The following GTPBP1 variants were observed in gnomAD, a reference collection of about 807,000 sequenced individuals.
GTPBP1 encodes the protein GTP-binding protein 1.
GTPBP1 carries 23 observed loss-of-function variants against 62.0 expected under a neutral mutation model. That is an observed-to-expected ratio of 0.37 (90% CI 0.27 to 0.53). The LOEUF (loss-of-function observed/expected upper bound fraction) is 0.53, where lower values mean the gene tolerates loss of function less well. Among genes scored for constraint, GTPBP1 ranks in the 20% least tolerant of loss-of-function variants. GTPBP1 has a pLI of 0.89. For synonymous variants in GTPBP1, 344 were observed against 364.4 expected, an observed-to-expected ratio of 0.94 and a Z score of 0.64; for missense variants, 640 against 917.3, an observed-to-expected ratio of 0.70 and a Z score of 3.90.
Position 38,705,997 on chromosome 22 carries a change from C to T in GTPBP1, c.42C>T (p.Val14=). ...GTCGCTCCGCGATGGACTCGCCGGTCCCGGCCTCTATGTTCGCCCCCGAGC... is the reference window on the plus strand; with the variant it reads ...GTCGCTCCGCGATGGACTCGCCGGTTCCGGCCTCTATGTTCGCCCCCGAGC... ...ERSRSAMDSP[V]PASMFAPEPS... is the part of the protein sequence containing the mutation. The change falls in exon 1 of 12, where the codon GTC becomes GTT. Residue 14 remains valine, a synonymous_variant. Coordinates refer to ENST00000216044, the MANE Select transcript of GTPBP1 (RefSeq NM_004286.5). The T allele has an allele frequency of 1.4e-6, 2 of 1,460,520 alleles. No homozygotes were observed. The highest frequency in any genetic ancestry group is 9.0e-7 in the Non-Finnish European group (1 of 1,106,294). The allele number at this position is 1,460,520 out of a possible 1,614,324, so 90.5% of individuals were successfully genotyped here. A position where few individuals can be genotyped will look rare whatever the true frequency, so the allele number is the denominator to read the frequency against.
Position 38,726,388 on chromosome 22 carries a change from T to C in GTPBP1, c.1349T>C (p.Met450Thr). The C allele has an allele frequency of 6.2e-7, 1 of 1,614,110 alleles. No individual in the cohort carries two copies. The part of the protein sequence containing the change: ...IAVKSIHRKR[M>T]PVKEVRGGQT... Reference sequence around the variant, plus strand: ...GTCAAATCCATCCATCGCAAGCGCATGCCTGTCAAGGAGGTGCGGGGTGGC... The same window carrying C: ...GTCAAATCCATCCATCGCAAGCGCACGCCTGTCAAGGAGGTGCGGGGTGGC... The change falls in exon 8 of 12, where the codon ATG becomes ACG. Residue 450 changes from methionine to threonine, a missense_variant. Physicochemically the swap from Met to Thr is moderately conservative, Grantham distance 81. Around this residue, in one of 4 missense-constraint regions of GTPBP1, gnomAD observed 220 missense variants for 358.1 expected, o/e 0.61. Coordinates refer to ENST00000216044, the MANE Select transcript of GTPBP1 (RefSeq NM_004286.5). This position sits in a 1 kb window ranked among gnomAD's most constrained non-coding sequence, Gnocchi z 4.1.
At chr22:38,720,173 C>T (rs555758146) in intron 4 of GTPBP1, among the ~76,000 whole-genome samples, 142 of 151,644 alleles carry the variant, frequency 9.4e-4, no homozygotes, top group African/African-American at 3.4e-3. Context: ...CATGATCTGC[C>T]CGCCTCGGCC....
At chr22:38,728,435 C>T (rs2092738378) in intron 10 of GTPBP1, 2 of 449,762 alleles carry the variant, frequency 4.4e-6, no homozygotes, top group East Asian at 3.9e-5. Flanking sequence ...CAGCCAGGCT[C>T]AGCCTCCAGG....
downstream of GTPBP1, chr22:38,739,792 G>T: frequency 6.2e-7 from 1 of 1,613,576 alleles, no homozygotes; most frequent in Non-Finnish European, 8.5e-7. The surrounding 1 kb of genome is among the most constrained non-coding windows in gnomAD (Gnocchi z 6.7). Flanking sequence ...TTCCCTGGCC[G>T]ACTTGCCCTG....
At chr22:38,735,249 G>A (rs1005326518), downstream of GTPBP1, 57 of 455,630 alleles carry the variant, frequency 1.3e-4, 1 homozygote, top group Admixed American at 5.7e-4. Flanking sequence ...GCGACTACCT[G>A]AACAAGAGCT....
Position 38,731,459 on chromosome 22 carries a change from G to GCCCTGA in GTPBP1, c.*766_*771dup, listed in dbSNP as rs927244319. ...GATTATAGGACTCTCCCCATCTCGG[G>GCCCTGA]CCCTGACCCTGACCCTTGCCACCAA... On this transcript the variant is annotated 3_prime_UTR_variant, in exon 12 of 12. Transcript: ENST00000216044. The GCCCTGA allele has an allele frequency of 7.9e-5, 12 of 152,796 alleles. No individual in the cohort carries two copies. The highest frequency in any genetic ancestry group is 1.2e-4 in the Non-Finnish European group (8 of 68,108). The allele number at this position is 152,796 out of a possible 1,614,324, so 9.5% of individuals were successfully genotyped here.
intron 1 of GTPBP1, chr22:38,706,675 AG>A (rs1305242364): frequency 6.6e-6 from 1 of 152,444 alleles, no homozygotes; most frequent in Non-Finnish European, 1.5e-5. Context: ...GAAAGGAAAC[AG>A]AAAGTAGTCG....
intron 5 of GTPBP1, chr22:38,723,586 A>G (rs1051142037): frequency 1.2e-5 from 7 of 573,200 alleles, no homozygotes; most frequent in African/African-American, 7.5e-5. Flanking sequence ...ATCTTCTGCT[A>G]CTTCCTCCCC....
chr22:38,739,572 C>CCCA, downstream of GTPBP1: 1 of 1,281,294 alleles, frequency 7.8e-7, no homozygotes, highest in Non-Finnish European at 1.1e-6. This position sits in a 1 kb window ranked among gnomAD's most constrained non-coding sequence, Gnocchi z 6.7. Context: ...CACACTGCCA[C>CCCA]CCACCCATGC....
downstream of GTPBP1, among the ~76,000 whole-genome samples, chr22:38,742,031 C>T (rs911020181): frequency 1.5e-4 from 23 of 151,818 alleles, no homozygotes; most frequent in African/African-American, 5.1e-4. Context: ...TCCAGCTACT[C>T]GGGAGGCTGA....
intron 1 of GTPBP1, among the ~76,000 whole-genome samples, chr22:38,708,429 G>T (rs2092618844): frequency 6.6e-6 from 1 of 152,188 alleles, no homozygotes; most frequent in Non-Finnish European, 1.5e-5. Context: ...GCCTGTGGGT[G>T]GAGGGCATGG....
chr22:38,717,250 C>T (rs867905649), intron 4 of GTPBP1, among the ~76,000 whole-genome samples: 5 of 152,294 alleles, frequency 3.3e-5, no homozygotes, highest in South Asian at 4.1e-4. Context: ...CCCTTGAAGA[C>T]CTGTCTTATT....
downstream of GTPBP1, chr22:38,734,850 C>T (rs756082854): frequency 5.5e-5 from 10 of 182,148 alleles, no homozygotes; most frequent in African/African-American, 9.6e-5. Flanking sequence ...CTGGCTGCCT[C>T]GGGATGGAGC....
At chr22:38,724,207 C>A in intron 5 of GTPBP1, 90 bp from the exon 6 acceptor site, 1 of 746,236 alleles carries the variant, frequency 1.3e-6, no homozygotes, top group Non-Finnish European at 2.5e-6. Flanking sequence ...CTCCTGCTTG[C>A]ATCAGTAATG....
chr22:38,735,874 C>T (rs2092800467), downstream of GTPBP1: 1 of 185,890 alleles, frequency 5.4e-6, no homozygotes, highest in African/African-American at 2.4e-5. Context: ...AGGCAGCTCA[C>T]CTAGCCCAGG....
chr22:38,709,632 G>C (rs1423830438), intron 2 of GTPBP1, among the ~76,000 whole-genome samples: 1 of 152,182 alleles, frequency 6.6e-6, no homozygotes, highest in Non-Finnish European at 1.5e-5. Flanking sequence ...TCCAGGCCCT[G>C]TTTACAGATC....
At chr22:38,715,131 C>G (rs143225503) in intron 2 of GTPBP1, among the ~76,000 whole-genome samples, 1 of 152,154 alleles carries the variant, frequency 6.6e-6, no homozygotes, top group African/African-American at 2.4e-5. Flanking sequence ...TAACTGGACT[C>G]CCCCCTTACT....
intron 6 of GTPBP1, among the ~76,000 whole-genome samples, chr22:38,724,715 C>T (rs905819058): frequency 1.3e-5 from 2 of 152,176 alleles, no homozygotes; most frequent in Non-Finnish European, 2.9e-5. Flanking sequence ...ATAACATTCC[C>T]TTCCCTGTAG....
rs2092670010 is a variant in GTPBP1 at position 38,716,280 on chromosome 22, C to G, written c.485+193C>G. 8.3e-6 allele frequency: 5 copies of G among 602,920 alleles called. No individual in the cohort carries two copies. The highest frequency in any genetic ancestry group is 5.9e-6 in the Non-Finnish European group (2 of 340,786). The allele number at this position is 602,920 out of a possible 1,614,324, so 37.3% of individuals were successfully genotyped here. ...CACTTTGGGAAGAGCACGAGAGAGGCCAGCCGTGCATTCTGTGGCCATTCT... is the reference window on the plus strand; with the variant it reads ...CACTTTGGGAAGAGCACGAGAGAGGGCAGCCGTGCATTCTGTGGCCATTCT... On this transcript the variant is annotated intron_variant, in intron 3 of 11. Transcript: ENST00000216044. The surrounding 1 kb of genome is among the most constrained non-coding windows in gnomAD (Gnocchi z 5.2).
Sources: allele counts gnomAD v4.1 joint callset (sites outside exome capture counted in the v4.1 genomes callset), GRCh38; gene constraint gnomAD v4.1.1; regional missense constraint gnomAD v4.1.1; non-coding constraint Gnocchi (gnomAD v3.1); transcripts MANE v1.5; gene names NCBI Gene and HGNC (gene_info 2026-07-23, HGNC 2026-07-21).